SUGCT: variants seen among roughly 807,000 people sequenced by gnomAD.
SUGCT encodes succinyl-CoA:glutarate CoA-transferase.
SUGCT carries 41 observed loss-of-function variants against 55.0 expected under a neutral mutation model. The ratio of observed to expected loss-of-function variants is 0.74; its 90% CI spans 0.58 to 0.97. The LOEUF (loss-of-function observed/expected upper bound fraction) is 0.97, where lower values mean the gene tolerates loss of function less well. Ranked by LOEUF, SUGCT falls within the 50% of genes least tolerant of loss-of-function variation. The pLI is 0.00. For synonymous variants in SUGCT, 187 were observed against 200.4 expected, an observed-to-expected ratio of 0.93 and a Z score of 0.56; for missense variants, 568 against 547.8, an observed-to-expected ratio of 1.04 and a Z score of -0.37.
intron 13 of SUGCT, among the ~76,000 whole-genome samples, chr7:40,770,249 C>G (rs1474689941): frequency 6.6e-6 from 1 of 152,082 alleles, no homozygotes; most frequent in African/African-American, 2.4e-5. Context: ...TCAGGATTAT[C>G]TTTAGCTATA....
intron 12 of SUGCT, among the ~76,000 whole-genome samples, chr7:40,582,701 A>G (rs1797168031): frequency 6.6e-6 from 1 of 152,126 alleles, no homozygotes; most frequent in East Asian, 1.9e-4. Context: ...TGGCGTCGAT[A>G]ACTTCAGCTT....
At chr7:40,218,126 T>A (rs1342794820) in intron 6 of SUGCT, among the ~76,000 whole-genome samples, 1 of 152,098 alleles carries the variant, frequency 6.6e-6, no homozygotes, top group East Asian at 1.9e-4. Flanking sequence ...GGCAGGAGAA[T>A]CATTTGAACC....
the SUGCT span, among the ~76,000 whole-genome samples, chr7:40,934,357 C>T: frequency 1.3e-5 from 2 of 152,122 alleles, no homozygotes; most frequent in South Asian, 2.1e-4. Flanking sequence ...TCTTTCGGCC[C>T]CTACTGGGAG....
Position 40,669,775 on chromosome 7 carries a change from G to GA in SUGCT, c.1090-79652dup, listed in dbSNP as rs1216126879. 4.0e-5 allele frequency among the ~76,000 whole-genome samples: 6 copies of GA among 151,828 alleles called. No homozygotes were observed. The South Asian group carries it at 6.2e-4, about 16-fold the overall frequency. On this transcript the variant is annotated intron_variant, in intron 12 of 13. Transcript: ENST00000335693. ...TGGACGACAGATAGAAAATAGACTA[G>GA]AAAAAAAGAAATAAGCAGAGCTTTG...
At chr7:40,338,900 G>T (rs749356304) in intron 9 of SUGCT, among the ~76,000 whole-genome samples, 2 of 152,156 alleles carry the variant, frequency 1.3e-5, no homozygotes, top group Non-Finnish European at 2.9e-5. Context: ...GGTCTTTGAT[G>T]ATGATGATGT....
chr7:40,913,507 A>G, the SUGCT span, among the ~76,000 whole-genome samples: 2 of 152,196 alleles, frequency 1.3e-5, no homozygotes, highest in Admixed American at 6.5e-5. Flanking sequence ...TTCCAACTGC[A>G]TTTTTGCTTT....
intron 12 of SUGCT, among the ~76,000 whole-genome samples, chr7:40,660,330 C>T (rs565422249): frequency 2.0e-5 from 3 of 152,256 alleles, no homozygotes; most frequent in South Asian, 4.1e-4. Context: ...ATGATCTCGG[C>T]TCGCTGCAAC....
intron 8 of SUGCT, among the ~76,000 whole-genome samples, chr7:40,311,743 T>C (rs1279553194): frequency 1.3e-5 from 2 of 152,246 alleles, no homozygotes; most frequent in African/African-American, 4.8e-5. Context: ...ACTATATCTT[T>C]TTTATTTCCT....
intron 9 of SUGCT, among the ~76,000 whole-genome samples, chr7:40,366,710 A>G (rs1011521388): frequency 6.6e-6 from 1 of 152,118 alleles, no homozygotes; most frequent in Non-Finnish European, 1.5e-5. Context: ...CAAAACCACA[A>G]TGAGATACCA....
intron 9 of SUGCT, among the ~76,000 whole-genome samples, chr7:40,423,313 G>T (rs1402925335): frequency 6.6e-6 from 1 of 152,078 alleles, no homozygotes; most frequent in Non-Finnish European, 1.5e-5. Flanking sequence ...TAATGTTACT[G>T]CTGATGCATG....
In SUGCT at chr7:40,760,949, C is replaced by T. The variant is rs1030408398; in HGVS notation, c.1153+11452C>T. Among the ~76,000 whole-genome samples the T allele has an allele frequency of 4.6e-5, 7 of 152,212 alleles. 1 individual carries two copies. Among genetic ancestry groups the T allele is most frequent in the Admixed American group, 2.6e-4 (4 of 15,286 alleles). The stretch of plus-strand genomic sequence containing the variant: ...ACACAGTATAGATAGTTAATAAACT[C>T]GTAGCTTCATCTACAGTAACAAGTA... On this transcript the variant is annotated intron_variant, in intron 13 of 13. Coordinates refer to ENST00000335693, the MANE Select transcript of SUGCT (RefSeq NM_001193313.2).
At chr7:41,009,951 T>C in the SUGCT span, among the ~76,000 whole-genome samples, 3 of 152,344 alleles carry the variant, frequency 2.0e-5, no homozygotes, top group East Asian at 1.9e-4. Flanking sequence ...CCTTGAGATA[T>C]GTGCTGTATT....
chr7:41,000,207 TAC>T, the SUGCT span, among the ~76,000 whole-genome samples: 9 of 151,748 alleles, frequency 5.9e-5, no homozygotes, highest in Admixed American at 3.3e-4. Context: ...CTTACACACA[TAC>T]ACACACACGC....
At position 40,671,492 on chromosome 7, in the gene SUGCT, G is replaced by A. The variant is rs1801938740; in HGVS notation, c.1090-77942G>A. 5.3e-5 allele frequency among the ~76,000 whole-genome samples: 8 copies of A among 152,220 alleles called. No individual in the cohort carries two copies. In the South Asian group the frequency reaches 1.7e-3, roughly 32 times the overall value. ...TGACATAATTTACTGAATACTTCTA[G>A]AACTAAAGATTGAGTTCAACAAGTT... is the stretch of plus-strand genomic sequence containing the variant. On this transcript the variant is annotated intron_variant, in intron 12 of 13. Coordinates refer to ENST00000335693, the MANE Select transcript of SUGCT (RefSeq NM_001193313.2).
chr7:40,563,646 C>G (rs1417806398), intron 12 of SUGCT, among the ~76,000 whole-genome samples: 1 of 151,686 alleles, frequency 6.6e-6, no homozygotes, highest in East Asian at 1.9e-4. Flanking sequence ...CCTGGGAGAT[C>G]AAGGCTGCAA....
the SUGCT span, among the ~76,000 whole-genome samples, chr7:40,945,586 G>T: frequency 6.6e-6 from 1 of 152,170 alleles, no homozygotes; most frequent in Non-Finnish European, 1.5e-5. Flanking sequence ...AGGGCTGCTT[G>T]ACTGTTGGGG....
At chr7:40,866,715 T>C in the SUGCT span, among the ~76,000 whole-genome samples, 1 of 151,914 alleles carries the variant, frequency 6.6e-6, no homozygotes, top group East Asian at 1.9e-4. Context: ...CCCAAACGTT[T>C]TGTCTCATTC....
intron 9 of SUGCT, among the ~76,000 whole-genome samples, chr7:40,322,045 C>A (rs944288556): frequency 2.6e-5 from 4 of 152,176 alleles, no homozygotes; most frequent in Non-Finnish European, 4.4e-5. Context: ...TTTACATTCA[C>A]ACCAACAGGC....
chr7:40,223,826 C>A (rs1280890444), intron 6 of SUGCT, among the ~76,000 whole-genome samples: 1 of 152,174 alleles, frequency 6.6e-6, no homozygotes, highest in Non-Finnish European at 1.5e-5. Context: ...GGCGATGAAA[C>A]AAGGCTAAAA....
Sources: gnomAD v4.1 joint callset for allele counts (sites outside exome capture counted in the v4.1 genomes callset) on GRCh38, gnomAD v4.1.1 for gene constraint, MANE v1.5 for transcripts, NCBI Gene and HGNC (gene_info 2026-07-23, HGNC 2026-07-21) for gene names.